PGGHG: variants seen among roughly 807,000 people sequenced by gnomAD.
PGGHG encodes ATH1, acid trehalase-like 1.
In PGGHG, 67 loss-of-function variants were observed where a neutral mutation model predicts 74.5. That is an observed-to-expected ratio of 0.90 (90% CI 0.74 to 1.10). The LOEUF (loss-of-function observed/expected upper bound fraction) is 1.10. Among genes scored for constraint, PGGHG ranks in the 50% least tolerant of loss-of-function variants. The pLI is 0.00. For synonymous variants in PGGHG, 496 were observed against 419.9 expected, an observed-to-expected ratio of 1.18 and a Z score of -2.21; for missense variants, 1,034 against 981.5, an observed-to-expected ratio of 1.05 and a Z score of -0.72.
Position 290,584 on chromosome 11 carries a change from G to C in PGGHG, c.454G>C (p.Asp152His), listed in dbSNP as rs947667559. 5 of 1,557,626 alleles carry C rather than the reference G, an allele frequency of 3.2e-6. No homozygotes were observed. Among genetic ancestry groups the C allele is most frequent in the Non-Finnish European group, 4.3e-6 (5 of 1,150,922 alleles). Residue 152 changes from aspartate (D) to histidine (H), a missense_variant, in exon 3 of 14, where the codon GAC becomes CAC. Coordinates refer to ENST00000409548, the MANE Select transcript of PGGHG (RefSeq NM_025092.5). ...SPDLDLHQGP[D>H]FQGARYLYGH... is the part of the protein sequence containing the mutation. ...AGACCTGGACCTGCATCAGGGTCCT[G>C]ACTTCCAGGGAGCCCGGTAAGGAGG...
intron 10 of PGGHG, 38 bp from the exon 11 acceptor site, chr11:293,792 G>A (rs757783015): frequency 1.2e-6 from 2 of 1,613,426 alleles, no homozygotes; most frequent in Non-Finnish European, 1.7e-6. Context: ...CCACGCAGTG[G>A]GCCTCACCCC....
At chr11:291,520 G>A (rs146543754) in intron 4 of PGGHG, 271 of 251,428 alleles carry the variant, frequency 1.1e-3, no homozygotes, top group Non-Finnish European at 1.6e-3. Flanking sequence ...ACTGGAGGCC[G>A]ACGGGGGTGA....
chr11:290,138 A>G, intron 2 of PGGHG, 63 bp downstream of exon 2: 2 of 1,472,786 alleles, frequency 1.4e-6, no homozygotes, highest in Non-Finnish European at 1.8e-6. Context: ...TGGGGCAACC[A>G]CAGCATCGAA....
rs1263923306 is a variant in PGGHG, at chr11:294,396, G to A, written c.1938G>A (p.Glu646=). ...TTTCCGAGGACTCCGTGACCGTGGA[G>A]GTCACAGCTCGAGCAGGGCCCTGGG... ...FSFSEDSVTV[E]VTARAGPWAP... Residue 646 remains glutamate (E), a synonymous_variant, in exon 13 of 14, where the codon GAG becomes GAA. Transcript: ENST00000409548. 1.2e-6 allele frequency: 2 copies of A among 1,612,818 alleles called. No homozygotes were observed. Among genetic ancestry groups the A allele is most frequent in the Non-Finnish European group, 1.7e-6 (2 of 1,179,990 alleles).
At position 293,914 on chromosome 11, in the gene PGGHG, G is replaced by A. The variant is rs149726558; in HGVS notation, c.1699G>A (p.Glu567Lys). The A allele has an allele frequency of 1.6e-3, 2,502 of 1,612,458 alleles. 3 individuals carry two copies. The highest frequency in any genetic ancestry group is 1.9e-3 in the Non-Finnish European group (2,184 of 1,179,586). ...GGACAGGAGCTTTGCCAACATGGCT[G>A]AACCCTTCAAGGTCAGCCTGGCCAC... ...LLDRSFANMA[E>K]PFKVWTENAD... Residue 567 changes from glutamate (E) to lysine (K), a missense_variant, in exon 11 of 14, where the codon GAA becomes AAA. Transcript: ENST00000409548.
At position 290,627 on chromosome 11, in the gene PGGHG, A is replaced by C. The variant is rs779525417; in HGVS notation, c.470+27A>C. ...TAAGGAGGGGGCTGGATTTGCAGCC[A>C]GGGAGTCCAGGGAGGGAGCTCATCC... On this transcript the variant is annotated intron_variant, in intron 3 of 13. Coordinates refer to ENST00000409548, the MANE Select transcript of PGGHG (RefSeq NM_025092.5). 2.5e-6 allele frequency: 4 copies of C among 1,600,080 alleles called. No homozygotes were observed. The East Asian group carries it at 9.1e-5, about 36-fold the overall frequency.
chr11:293,172 C>T lies in PGGHG; in HGVS notation c.1280C>T (p.Ser427Phe). 1 of 1,613,888 alleles carries T rather than the reference C, an allele frequency of 6.2e-7. No individual in the cohort carries two copies. Among genetic ancestry groups the T allele is most frequent in the Non-Finnish European group, 8.5e-7 (1 of 1,179,988 alleles). ...GGACTTGTGTGTCCAGGAGTCATGT[C>T]CCCCGACGAGTACCATTCAGGGGTC... ...EEKYHLRGVMSPDEYHSGVNN... is the reference protein window; with the variant it reads ...EEKYHLRGVMFPDEYHSGVNN... The change falls in exon 8 of 14, where the codon TCC (serine) becomes TTC (phenylalanine). Residue 427 changes from serine (S) to phenylalanine (F), a missense_variant. Transcript: ENST00000409548.
In PGGHG at chr11:294,328, G is replaced by A. The variant is rs747036035; in HGVS notation, c.1870G>A (p.Val624Ile). Residue 624 changes from valine (V) to isoleucine (I), a missense_variant, in exon 13 of 14, where the codon GTC becomes ATC. Transcript: ENST00000409548. ...TCTGTCGGGGATCTCCAGAGTGAGC[G>A]TCTCCGGCATCTTCTACCAGGGGAA... ...VCLSGISRVS[V>I]SGIFYQGNKL... 51 of 1,612,896 alleles carry A rather than the reference G, an allele frequency of 3.2e-5. No homozygotes were observed. The East Asian group carries it at 4.7e-4, about 15-fold the overall frequency.
Position 290,807 on chromosome 11 carries a change from C to G in PGGHG, c.600C>G (p.Phe200Leu). 1.2e-6 allele frequency: 2 copies of G among 1,612,710 alleles called. No homozygotes were observed. Among genetic ancestry groups the G allele is most frequent in the Non-Finnish European group, 1.7e-6 (2 of 1,179,894 alleles). ...GEGEEARTWDFLTAVGGSQAE... is the reference protein window; with the variant it reads ...GEGEEARTWDLLTAVGGSQAE... ...GTGAGGAGGCTAGGACGTGGGACTT[C>G]CTGACAGCAGTGGGCGGCAGCCAGG... The change falls in exon 4 of 14, where the codon TTC (phenylalanine) becomes TTG (leucine). Residue 200 changes from phenylalanine (F) to leucine (L), a missense_variant. Coordinates refer to ENST00000409548, the MANE Select transcript of PGGHG (RefSeq NM_025092.5).
rs780959756 is a variant in PGGHG, at chr11:294,573, C to T, written c.2038C>T (p.Pro680Ser). 1 of 1,165,282 alleles carries T rather than the reference C, an allele frequency of 8.6e-7. No homozygotes were observed. The highest frequency in any genetic ancestry group is 1.1e-6 in the Non-Finnish European group (1 of 921,930). The allele number at this position is 1,165,282 out of a possible 1,614,324, so 72.2% of individuals were successfully genotyped here. Residue 680 changes from proline to serine, a missense_variant, in exon 14 of 14, where the codon CCC becomes TCC. Coordinates refer to ENST00000409548, the MANE Select transcript of PGGHG (RefSeq NM_025092.5). ...SLLPGHKVSF[P>S]RSAGRIQMSP... Reference sequence around the variant, plus strand: ...CCCTGCAGGACACAAGGTCTCCTTTCCCCGCTCGGCTGGCCGGATACAAAT... The same window carrying T: ...CCCTGCAGGACACAAGGTCTCCTTTTCCCGCTCGGCTGGCCGGATACAAAT...
rs781298825 is a variant in PGGHG at position 294,324 on chromosome 11, G to A, written c.1866G>A (p.Val622=). 1.2e-6 allele frequency: 2 copies of A among 1,612,986 alleles called. No homozygotes were observed. Among genetic ancestry groups the A allele is most frequent in the Non-Finnish European group, 1.7e-6 (2 of 1,179,880 alleles). The stretch of plus-strand genomic sequence containing the variant: ...TGTGTCTGTCGGGGATCTCCAGAGT[G>A]AGCGTCTCCGGCATCTTCTACCAGG... ...DPVCLSGISR[V]SVSGIFYQGN... Residue 622 remains valine (V), a synonymous_variant, in exon 13 of 14, where the codon GTG becomes GTA. Transcript: ENST00000409548.
In PGGHG at chr11:293,702, C is replaced by T. The variant is rs139389005; in HGVS notation, c.1589C>T (p.Ser530Phe). 12 of 1,613,160 alleles carry T rather than the reference C, an allele frequency of 7.4e-6. No individual in the cohort carries two copies. In the East Asian group the frequency reaches 2.5e-4, roughly 33 times the overall value. Reference sequence around the variant, plus strand: ...CTGGAGATTTACGAGGCTGTGACGTCCCCCCAGGGCCCCGCCATGACCTGG... The same window carrying T: ...CTGGAGATTTACGAGGCTGTGACGTTCCCCCAGGGCCCCGCCATGACCTGG... ...KNLEIYEAVT[S>F]PQGPAMTWSM... The change falls in exon 10 of 14, where the codon TCC (serine) becomes TTC (phenylalanine). Residue 530 changes from serine (S) to phenylalanine (F), a missense_variant. Transcript: ENST00000409548.
In PGGHG at chr11:295,900, G is replaced by A. The variant is rs1845851854; in HGVS notation, c.*1151G>A. On this transcript the variant is annotated 3_prime_UTR_variant, in exon 14 of 14. Transcript: ENST00000409548. ...ACGGAGACTCAGGGAGGGAGGGAAG[G>A]AGGCAAGGACGCCTGTGGAAACATC... 6.6e-6 allele frequency: 1 copy of A among 152,420 alleles called. No homozygotes were observed. The highest frequency in any genetic ancestry group is 1.5e-5 in the Non-Finnish European group (1 of 68,122). The allele number at this position is 152,420 out of a possible 1,614,324, so 9.4% of individuals were successfully genotyped here.
Position 289,706 on chromosome 11 carries a change from C to T in PGGHG, c.-13-98C>T. On this transcript the variant is annotated intron_variant, in intron 1 of 13. Coordinates refer to ENST00000409548, the MANE Select transcript of PGGHG (RefSeq NM_025092.5). This position sits in a 1 kb window ranked among gnomAD's most constrained non-coding sequence, Gnocchi z 5.6. ...GGGCTGCCCAGCTGGTTCCGCAACT[C>T]CCCCCAGTTCTGAGGGAGGCTTCAG... 1 of 1,382,358 alleles carries T rather than the reference C, an allele frequency of 7.2e-7. No homozygotes were observed. Among genetic ancestry groups the T allele is most frequent in the East Asian group, 2.5e-5 (1 of 39,606 alleles). 85.6% of individuals were successfully genotyped at this position (1,382,358 alleles called of 1,614,324 possible).
chr11:292,633 G>C lies in PGGHG; in HGVS notation c.1114G>C (p.Gly372Arg). 2 of 1,613,810 alleles carry C rather than the reference G, an allele frequency of 1.2e-6. No homozygotes were observed. The highest frequency in any genetic ancestry group is 8.5e-7 in the Non-Finnish European group (1 of 1,180,002). ...CGGAGTCCAGGAGGTCCACGTCAAC[G>C]GGGCCGTGGTGTTGGCCTTCGAGCT... ...IYGVQEVHVNGAVVLAFELYY... is the reference protein window; with the variant it reads ...IYGVQEVHVNRAVVLAFELYY... The change falls in exon 6 of 14, where the codon GGG (glycine) becomes CGG (arginine). Residue 372 changes from glycine to arginine, a missense_variant. Gly to Arg is a moderately radical substitution (Grantham distance 125, BLOSUM62 -2). Transcript: ENST00000409548.
chr11:291,838 G>A (rs1208247644), intron 4 of PGGHG, 138 bp from the exon 5 acceptor site: 3 of 1,248,900 alleles, frequency 2.4e-6, no homozygotes, highest in Non-Finnish European at 3.2e-6. Flanking sequence ...GGTGGGGAGG[G>A]CCTGCAGATC....
chr11:293,790 T>G (rs1845797830), intron 10 of PGGHG, 40 bp from the exon 11 acceptor site: 1 of 1,613,304 alleles, frequency 6.2e-7, no homozygotes, highest in Non-Finnish European at 8.5e-7. Flanking sequence ...GCCCACGCAG[T>G]GGGCCTCACC....
rs1179094260 is a variant in PGGHG, at chr11:295,647, G to A, written c.*898G>A. ...GCCCCCTGCACCGCTGTCAGCCTGA[G>A]GAATTAAAGCTTTGGTGCTGGGGAG... On this transcript the variant is annotated 3_prime_UTR_variant, in exon 14 of 14. Coordinates refer to ENST00000409548, the MANE Select transcript of PGGHG (RefSeq NM_025092.5). The A allele has an allele frequency of 6.6e-6, 1 of 152,342 alleles. No individual in the cohort carries two copies. Among genetic ancestry groups the A allele is most frequent in the African/African-American group, 2.4e-5 (1 of 41,470 alleles). 9.4% of individuals were successfully genotyped at this position (152,342 alleles called of 1,614,324 possible).
Position 292,533 on chromosome 11 carries a change from C to A in PGGHG, c.1027-13C>A. The A allele has an allele frequency of 1.2e-6, 2 of 1,612,722 alleles. No individual in the cohort carries two copies. The highest frequency in any genetic ancestry group is 1.7e-6 in the Non-Finnish European group (2 of 1,179,542). ...TCCAACAAGGTCAAGTCTGCCCCCT[C>A]CCAACCCCTCAGGGAGCCAAGTTTG... is the stretch of plus-strand genomic sequence containing the variant. On this transcript the variant is annotated splice_polypyrimidine_tract_variant and intron_variant, in intron 5 of 13. Transcript: ENST00000409548.
Sources: gnomAD v4.1 joint callset for allele counts on GRCh38, gnomAD v4.1.1 for gene constraint, Gnocchi (gnomAD v3.1) non-coding constraint, MANE v1.5 for transcripts, NCBI Gene and HGNC (gene_info 2026-07-23, HGNC 2026-07-21) for gene names.